ROBO1: variants seen among roughly 807,000 people sequenced by gnomAD.
ROBO1 encodes the protein roundabout guidance receptor 1, also known as roundabout homolog 1.
In ROBO1, 149 loss-of-function variants were observed where a neutral mutation model predicts 195.9. The observed-to-expected ratio is 0.76, with a 90% CI of 0.67 to 0.87. The LOEUF (loss-of-function observed/expected upper bound fraction) is 0.87, where lower values mean the gene tolerates loss of function less well. ROBO1 is among the 40% of genes least tolerant of loss of function. The probability of loss-of-function intolerance (pLI) is 0.00; values close to 1 mark genes in which losing one functional copy is unlikely to be tolerated. For missense variants in ROBO1, 1,933 were observed against 2,068.3 expected (o/e 0.93, Z 1.27); for synonymous variants, 816 against 733.2 (o/e 1.11, Z -1.82).
At chr3:79,106,801 T>C (rs1480070737) in intron 3 of ROBO1, among the ~76,000 whole-genome samples, 1 of 151,702 alleles carries the variant, frequency 6.6e-6, no homozygotes, top group African/African-American at 2.4e-5. Flanking sequence ...ATATTCATTA[T>C]CTGAGTATCC....
chr3:79,659,085 TCA>T (rs1946253628), intron 1 of ROBO1, among the ~76,000 whole-genome samples: 1 of 152,106 alleles, frequency 6.6e-6, no homozygotes, highest in South Asian at 2.1e-4. Context: ...TAATAAATGT[TCA>T]GTTTTACATC....
At chr3:78,985,118 A>C (rs2077076539) in intron 3 of ROBO1, among the ~76,000 whole-genome samples, 1 of 152,132 alleles carries the variant, frequency 6.6e-6, no homozygotes, top group Non-Finnish European at 1.5e-5. Flanking sequence ...GTTGGAGACC[A>C]GCCTGGGCAA....
chr3:79,093,418 C>T (rs947655871), intron 3 of ROBO1, among the ~76,000 whole-genome samples: 1 of 152,018 alleles, frequency 6.6e-6, no homozygotes. Context: ...TTTATTAGGG[C>T]TTGTCAATAA....
At chr3:78,620,756 G>T (rs1249614245) in intron 26 of ROBO1, among the ~76,000 whole-genome samples, 3 of 151,640 alleles carry the variant, frequency 2.0e-5, no homozygotes, top group Non-Finnish European at 2.9e-5. Flanking sequence ...AAATTCAGAG[G>T]GATTAAGGGT....
At chr3:79,316,042 G>A (rs2109111124) in intron 2 of ROBO1, among the ~76,000 whole-genome samples, 1 of 152,272 alleles carries the variant, frequency 6.6e-6, no homozygotes, top group Non-Finnish European at 1.5e-5. Context: ...CCTCAATAGG[G>A]ACAGGGATTT....
intron 4 of ROBO1, among the ~76,000 whole-genome samples, chr3:78,815,885 T>C (rs1042343108): frequency 3.3e-5 from 5 of 152,214 alleles, no homozygotes; most frequent in African/African-American, 1.2e-4. Context: ...AATAAATTTC[T>C]TCCAAACTCC....
chr3:79,411,698 T>C (rs1014784773), intron 2 of ROBO1, among the ~76,000 whole-genome samples: 2 of 152,254 alleles, frequency 1.3e-5, no homozygotes, highest in East Asian at 3.9e-4. Flanking sequence ...CAAACAAAAC[T>C]CTTGCAATAA....
chr3:79,169,671 G>A (rs992095560), intron 2 of ROBO1, among the ~76,000 whole-genome samples: 1 of 152,018 alleles, frequency 6.6e-6, no homozygotes, highest in Non-Finnish European at 1.5e-5. Flanking sequence ...AGTACTTAAC[G>A]ATAAAATAAA....
chr3:78,770,500 AAGCTCC>A (rs2083345399), intron 4 of ROBO1, among the ~76,000 whole-genome samples: 4 of 152,242 alleles, frequency 2.6e-5, no homozygotes, highest in Admixed American at 2.6e-4. Flanking sequence ...TCACTTGGTT[AAGCTCC>A]TTATAGATTC....
At chr3:79,618,490 A>G (rs1223858727) in intron 1 of ROBO1, among the ~76,000 whole-genome samples, 1 of 152,122 alleles carries the variant, frequency 6.6e-6, no homozygotes, top group Non-Finnish European at 1.5e-5. Flanking sequence ...CTCCTGGACA[A>G]TGAGTGTCAG....
chr3:78,678,806 T>A (rs1708603920), intron 10 of ROBO1, among the ~76,000 whole-genome samples: 1 of 152,000 alleles, frequency 6.6e-6, no homozygotes, highest in Non-Finnish European at 1.5e-5. Flanking sequence ...AGAGAGGGAA[T>A]CCTCCCTAAC....
chr3:79,445,481 GTTTTTTTT>G (rs34514488), intron 2 of ROBO1, among the ~76,000 whole-genome samples: 3 of 85,718 alleles, frequency 3.5e-5, no homozygotes, highest in Non-Finnish European at 6.4e-5. Flanking sequence ...TACAGAAATT[GTTTTTTTT>G]TTTTTTTTTT....
intron 10 of ROBO1, among the ~76,000 whole-genome samples, chr3:78,673,777 A>T (rs1455302406): frequency 6.6e-6 from 1 of 151,140 alleles, no homozygotes; most frequent in Non-Finnish European, 1.5e-5. Flanking sequence ...ATATTTAGGA[A>T]ATAATTTTAA....
At chr3:79,646,936 T>G (rs2106714878) in intron 1 of ROBO1, among the ~76,000 whole-genome samples, 1 of 152,092 alleles carries the variant, frequency 6.6e-6, no homozygotes, top group African/African-American at 2.4e-5. Flanking sequence ...TAAAGAAAGG[T>G]TAATTAATAC....
chr3:79,238,506 G>A (rs2082454663), intron 2 of ROBO1, among the ~76,000 whole-genome samples: 2 of 152,142 alleles, frequency 1.3e-5, no homozygotes, highest in Non-Finnish European at 2.9e-5. Flanking sequence ...ATTCTACCAT[G>A]TGCTGCCTTT....
chr3:79,267,537 A>C (rs1576898531), intron 2 of ROBO1, among the ~76,000 whole-genome samples: 1 of 150,890 alleles, frequency 6.6e-6, no homozygotes. Context: ...CTTGTGTTTT[A>C]AATCTATCTC....
chr3:79,281,305 T>G lies in ROBO1; in HGVS notation c.89-155766A>C, dbSNP rs186730819. 2.6e-3 allele frequency among the ~76,000 whole-genome samples: 393 copies of G among 148,912 alleles called. 1 individual carries two copies. The highest frequency in any genetic ancestry group is 0.01 in the East Asian group (54 of 5,186). On this transcript the variant is annotated intron_variant, in intron 2 of 30. Transcript: ENST00000464233. Reference sequence around the variant, plus strand: ...TTTCTCCATTTCATATATTCTTATTTATTGATTGATTGATTTATTATTATT... The same window carrying G: ...TTTCTCCATTTCATATATTCTTATTGATTGATTGATTGATTTATTATTATT...
chr3:79,619,859 A>C (rs575932209), intron 1 of ROBO1, among the ~76,000 whole-genome samples: 4 of 152,146 alleles, frequency 2.6e-5, no homozygotes, highest in Non-Finnish European at 5.9e-5. Flanking sequence ...AAAAGGTCCA[A>C]AAATTGGATT....
intron 4 of ROBO1, among the ~76,000 whole-genome samples, chr3:78,931,218 A>G (rs1287270375): frequency 7.9e-6 from 1 of 126,224 alleles, no homozygotes; most frequent in Admixed American, 8.0e-5. Flanking sequence ...TAAAAACAAC[A>G]TTTTCTTTTC....
Sources: gnomAD v4.1 joint callset for allele counts (sites outside exome capture counted in the v4.1 genomes callset) on GRCh38, gnomAD v4.1.1 for gene constraint, MANE v1.5 for transcripts, NCBI Gene and HGNC (gene_info 2026-07-23, HGNC 2026-07-21) for gene names.